PARD3: variants seen among roughly 807,000 people sequenced by gnomAD.
The protein encoded by PARD3 is partitioning defective 3 homolog.
In PARD3, 75 loss-of-function variants were observed where a neutral mutation model predicts 155.4. The ratio of observed to expected loss-of-function variants is 0.48; its 90% CI spans 0.40 to 0.58. The LOEUF is 0.58. Among genes scored for constraint, PARD3 ranks in the 20% least tolerant of loss-of-function variants. The pLI is 0.00. For missense variants in PARD3, 1,642 were observed against 1,721.7 expected, an observed-to-expected ratio of 0.95 and a Z score of 0.82; for synonymous variants, 576 against 610.5, an observed-to-expected ratio of 0.94 and a Z score of 0.83.
chr10:34,154,042 G>A lies in PARD3; in HGVS notation c.3420-22459C>T, dbSNP rs550683332. Among the ~76,000 whole-genome samples, 18 of 152,188 alleles carry A rather than the reference G, an allele frequency of 1.2e-4. 1 individual carries two copies. In the South Asian group the frequency reaches 3.7e-3, roughly 32 times the overall value. On this transcript the variant is annotated intron_variant, in intron 22 of 24. Transcript: ENST00000374788. The stretch of plus-strand genomic sequence containing the variant: ...TTTAATGTTAAGGTTCAATTCCTTG[G>A]GTGTAAATTTTGGTTTTAGTTGACA...
intron 1 of PARD3, among the ~76,000 whole-genome samples, chr10:34,788,553 G>C (rs774332497): frequency 1.3e-5 from 2 of 151,612 alleles, no homozygotes; most frequent in South Asian, 2.1e-4. Flanking sequence ...GGGTTCAAGT[G>C]ATTCTCCTGC....
At chr10:34,124,321 A>AC (rs1222429988) in intron 23 of PARD3, among the ~76,000 whole-genome samples, 3 of 152,190 alleles carry the variant, frequency 2.0e-5, no homozygotes, top group Non-Finnish European at 4.4e-5. Flanking sequence ...CACAATCCTT[A>AC]CTTTAGCAAT....
At chr10:34,270,039 C>A in intron 21 of PARD3, 140 bp from the exon 22 acceptor site, 1 of 784,564 alleles carries the variant, frequency 1.3e-6, no homozygotes, top group Non-Finnish European at 2.0e-6. Context: ...AATGACAGGT[C>A]ATACACATTC....
chr10:34,272,999 T>C (rs985593683), intron 21 of PARD3, among the ~76,000 whole-genome samples: 1 of 152,106 alleles, frequency 6.6e-6, no homozygotes, highest in Non-Finnish European at 1.5e-5. Flanking sequence ...GAAACCGGGC[T>C]TCTCATATAT....
At chr10:34,801,783 T>C (rs1438899023) in intron 1 of PARD3, among the ~76,000 whole-genome samples, 1 of 152,174 alleles carries the variant, frequency 6.6e-6, no homozygotes, top group Non-Finnish European at 1.5e-5. Flanking sequence ...TCTTAAGAAG[T>C]GTTATGGGCA....
intron 7 of PARD3, among the ~76,000 whole-genome samples, chr10:34,399,070 G>A (rs1458253985): frequency 6.6e-6 from 1 of 151,260 alleles, no homozygotes; most frequent in Non-Finnish European, 1.5e-5. Flanking sequence ...AAAGTAAAAT[G>A]TTTGCTTGAG....
At chr10:34,499,905 A>G (rs1170720195) in intron 3 of PARD3, among the ~76,000 whole-genome samples, 1 of 152,228 alleles carries the variant, frequency 6.6e-6, no homozygotes, top group Non-Finnish European at 1.5e-5. Context: ...GGACACATTA[A>G]ATCATCTCTA....
rs1564405140 is a variant in PARD3 at position 34,605,551 on chromosome 10, ATATATCTCCTATATATATATATATCTCC to A, written c.223-88420_223-88393del. 1.4e-4 allele frequency among the ~76,000 whole-genome samples: 11 copies of A among 78,904 alleles called. 3 individuals carry two copies. The highest frequency in any genetic ancestry group is 1.2e-3 in the African/African-American group (11 of 9,020). 51.8% of individuals were successfully genotyped at this position (78,904 alleles called of 152,430 possible). On this transcript the variant is annotated intron_variant, in intron 2 of 24. Coordinates refer to ENST00000374788, the MANE Select transcript of PARD3 (RefSeq NM_001184785.2). Reference sequence around the variant, plus strand: ...ATATATATCTCCTATATATATATATATATATCTCCTATATATATATATATCTCCTATATATATCTCCTATATATATATA... The same window carrying A: ...ATATATATCTCCTATATATATATATATATATATATCTCCTATATATATATA...
intron 22 of PARD3, among the ~76,000 whole-genome samples, chr10:34,241,000 A>C (rs143547424): frequency 1.3e-5 from 2 of 152,324 alleles, no homozygotes; most frequent in Non-Finnish European, 2.9e-5. Flanking sequence ...GCAGACACAC[A>C]GCTTTACAGG....
rs116511604 is a variant in PARD3 at position 34,260,865 on chromosome 10, G to A, written c.3419+8792C>T. On this transcript the variant is annotated intron_variant, in intron 22 of 24. Transcript: ENST00000374788. ...ATGTTTAATAAGTGCCTATATCTAA[G>A]AAAATTAGTTTTGTTCTGTGTTTGC... Among the ~76,000 whole-genome samples, 451 of 152,252 alleles carry A rather than the reference G, an allele frequency of 3.0e-3. 6 individuals are homozygous for A. The highest frequency in any genetic ancestry group is 0.01 in the African/African-American group (416 of 41,538).
At chr10:34,394,200 A>G (rs2132117070) in intron 7 of PARD3, among the ~76,000 whole-genome samples, 4 of 152,060 alleles carry the variant, frequency 2.6e-5, no homozygotes, top group Admixed American at 2.6e-4. Flanking sequence ...TAATGTTTGT[A>G]TTTTTAGTAT....
chr10:34,167,075 C>T (rs533619039), intron 22 of PARD3, among the ~76,000 whole-genome samples: 39 of 152,140 alleles, frequency 2.6e-4, no homozygotes, highest in Admixed American at 5.2e-4. Flanking sequence ...GCTGCAGCGT[C>T]GAGCTTGGAT....
intron 4 of PARD3, among the ~76,000 whole-genome samples, chr10:34,463,354 AAGGGGAGGGG>A (rs1192757656): frequency 1.3e-3 from 94 of 73,488 alleles, no homozygotes; most frequent in Non-Finnish European, 2.0e-3. Context: ...GGGGAAGGGG[AAGGGGAGGGG>A]AGGGGAGGGG....
chr10:34,625,243 T>C (rs10508808), intron 2 of PARD3, among the ~76,000 whole-genome samples: 42,056 of 152,212 alleles, frequency 0.28, 6,274 homozygotes, highest in East Asian at 0.41. Context: ...AAGTTAAGAC[T>C]TTACAGTTCT....
At chr10:34,482,281 C>T (rs1266185735) in intron 3 of PARD3, among the ~76,000 whole-genome samples, 1 of 151,806 alleles carries the variant, frequency 6.6e-6, no homozygotes, top group African/African-American at 2.4e-5. Flanking sequence ...GTTATCCTCC[C>T]GCCTCAGCCT....
chr10:34,144,334 CAA>C (rs111226692), intron 22 of PARD3, among the ~76,000 whole-genome samples: 6,125 of 152,172 alleles, frequency 0.04, 382 homozygotes, highest in African/African-American at 0.14. Context: ...CACCCAACCC[CAA>C]GACTTTTAAA....
chr10:34,120,004 ATTTT>A (rs1185067110), intron 23 of PARD3, among the ~76,000 whole-genome samples: 94 of 73,812 alleles, frequency 1.3e-3, no homozygotes, highest in African/African-American at 5.2e-3. Flanking sequence ...GTCTTCTTTA[ATTTT>A]TTTTTTTTTT....
chr10:34,538,661 A>G (rs1438337249), intron 2 of PARD3, among the ~76,000 whole-genome samples: 1 of 152,212 alleles, frequency 6.6e-6, no homozygotes, highest in African/African-American at 2.4e-5. Flanking sequence ...TCTTGCATGA[A>G]GCACTTGGTG....
chr10:34,728,388 A>G (rs1590845566), intron 1 of PARD3, among the ~76,000 whole-genome samples: 1 of 152,202 alleles, frequency 6.6e-6, no homozygotes, highest in African/African-American at 2.4e-5. Flanking sequence ...AAATAGTCAC[A>G]TTAGCAGCCA....
Sources: allele counts gnomAD v4.1 joint callset (sites outside exome capture counted in the v4.1 genomes callset), GRCh38; gene constraint gnomAD v4.1.1; transcripts MANE v1.5; gene names NCBI Gene and HGNC (gene_info 2026-07-23, HGNC 2026-07-21).